SPARC: variants seen among roughly 807,000 people sequenced by gnomAD.
The protein encoded by SPARC is basement-membrane protein 40.
In SPARC, 23 loss-of-function variants were observed where a neutral mutation model predicts 37.7. That is an observed-to-expected ratio of 0.61 (90% CI 0.44 to 0.87). The LOEUF is 0.87. SPARC is among the 40% of genes least tolerant of loss of function. SPARC has a pLI of 0.00. For synonymous variants in SPARC, 155 were observed against 150.8 expected (o/e 1.03, Z -0.20); for missense variants, 312 against 389.0 (o/e 0.80, Z 1.66).
At position 151,661,637 on chromosome 5, in the gene SPARC, C is replaced by A. The variant is rs886358673; in HGVS notation, c.*1934G>T. ...ATACGACACTAACATGATGAACATG[C>A]ATGAGCTTTGAAAAGTGCTCTGTAG... On this transcript the variant is annotated 3_prime_UTR_variant, in exon 10 of 10. Coordinates refer to ENST00000231061, the MANE Select transcript of SPARC (RefSeq NM_003118.4). 4 of 152,146 alleles carry A rather than the reference C, an allele frequency of 2.6e-5. No homozygotes were observed. Among genetic ancestry groups the A allele is most frequent in the African/African-American group, 9.7e-5 (4 of 41,416 alleles). The allele number at this position is 152,146 out of a possible 1,614,324, so 9.4% of individuals were successfully genotyped here.
At chr5:151,669,606 T>G in intron 6 of SPARC, 58 bp downstream of exon 6, 2 of 1,583,960 alleles carry the variant, frequency 1.3e-6, no homozygotes, top group Non-Finnish European at 1.7e-6. Flanking sequence ...ACAGCATCAG[T>G]GCCAGCTCAG....
intron 1 of SPARC, chr5:151,679,197 A>T (rs1410555397): frequency 6.6e-6 from 1 of 152,208 alleles, no homozygotes; most frequent in African/African-American, 2.4e-5. Flanking sequence ...GTCTGTGATG[A>T]TGCATACATT....
chr5:151,672,658 T>C (rs886076277), intron 4 of SPARC: 2 of 170,070 alleles, frequency 1.2e-5, no homozygotes, highest in African/African-American at 4.7e-5. Context: ...TTATGTCAGG[T>C]TGCATTTCCT....
At chr5:151,673,317 G>C in intron 3 of SPARC, 101 bp from the exon 4 acceptor site, 1 of 828,832 alleles carries the variant, frequency 1.2e-6, no homozygotes, top group South Asian at 1.4e-5. Flanking sequence ...CAAACGCAGG[G>C]TTGGGAATCC....
chr5:151,666,270 G>T, intron 8 of SPARC, 91 bp downstream of exon 8: 1 of 1,287,946 alleles, frequency 7.8e-7, no homozygotes, highest in Non-Finnish European at 1.1e-6. Context: ...GCCAGGGCTT[G>T]GAGCAGTATA....
At chr5:151,674,775 A>G (rs780400020) in intron 2 of SPARC, 101 bp from the exon 3 acceptor site, 127 of 1,146,738 alleles carry the variant, frequency 1.1e-4, no homozygotes, top group Admixed American at 1.6e-4. Context: ...GAGCTTGGAG[A>G]GCAGCTTACT....
chr5:151,682,961 G>C (rs894595618), intron 1 of SPARC, among the ~76,000 whole-genome samples: 18 of 152,202 alleles, frequency 1.2e-4, no homozygotes, highest in African/African-American at 4.1e-4. Flanking sequence ...TGATGGGTGA[G>C]AGCAGAGATG....
At chr5:151,673,063 C>A (rs1207152601) in intron 4 of SPARC, 66 bp downstream of exon 4, 1 of 1,119,546 alleles carries the variant, frequency 8.9e-7, no homozygotes, top group East Asian at 2.3e-5. Flanking sequence ...GTAGGCTGTC[C>A]TCGTGCCCCA....
intron 1 of SPARC, chr5:151,679,548 C>T (rs1347564777): frequency 6.6e-6 from 1 of 152,498 alleles, no homozygotes; most frequent in Non-Finnish European, 1.5e-5. Context: ...GCATATTTCC[C>T]TTGGCATGGT....
At chr5:151,679,875 G>T (rs1470359369) in intron 1 of SPARC, 1 of 152,212 alleles carries the variant, frequency 6.6e-6, no homozygotes, top group Non-Finnish European at 1.5e-5. Flanking sequence ...GTGGGTCTCA[G>T]AATGATAGAC....
At chr5:151,675,562 T>C (rs1207604645) in intron 2 of SPARC, among the ~76,000 whole-genome samples, 2 of 152,194 alleles carry the variant, frequency 1.3e-5, no homozygotes, top group East Asian at 1.9e-4. Context: ...AGTTGATTCA[T>C]TCAGACAGCA....
In SPARC at chr5:151,661,582, C is replaced by G. The variant is rs1023; in HGVS notation, c.*1989G>C. The G allele has an allele frequency of 6.6e-6, 1 of 152,166 alleles. No homozygotes were observed. Among genetic ancestry groups the G allele is most frequent in the Non-Finnish European group, 1.5e-5 (1 of 68,038 alleles). The allele number at this position is 152,166 out of a possible 1,614,324, so 9.4% of individuals were successfully genotyped here. ...ATTTCTTGGGTCTGTTTCTCTATCTCTAAGGGGAGTCTCAAAACCCCAGCT... is the reference window on the plus strand; with the variant it reads ...ATTTCTTGGGTCTGTTTCTCTATCTGTAAGGGGAGTCTCAAAACCCCAGCT... On this transcript the variant is annotated 3_prime_UTR_variant, in exon 10 of 10. Transcript: ENST00000231061.
In SPARC at chr5:151,673,325, T is replaced by C. The variant is rs1201893506; in HGVS notation, c.121-109A>G. On this transcript the variant is annotated intron_variant, in intron 3 of 9. Transcript: ENST00000231061. ...GAAAGCACAAACGCAGGGTTGGGAATCCAGATTTAATCTATAGGCCTGCTG... is the reference window on the plus strand; with the variant it reads ...GAAAGCACAAACGCAGGGTTGGGAACCCAGATTTAATCTATAGGCCTGCTG... 3.7e-6 allele frequency: 3 copies of C among 801,000 alleles called. No homozygotes were observed. In the African/African-American group the frequency reaches 5.0e-5, roughly 13 times the overall value. The allele number at this position is 801,000 out of a possible 1,614,324, so 49.6% of individuals were successfully genotyped here.
At chr5:151,681,763 G>T (rs1010285631) in intron 1 of SPARC, among the ~76,000 whole-genome samples, 4 of 152,260 alleles carry the variant, frequency 2.6e-5, no homozygotes, top group African/African-American at 9.6e-5. Flanking sequence ...CATGGTGGCG[G>T]GCGCCTAAAA....
At chr5:151,666,735 A>G (rs1408825935) in intron 7 of SPARC, among the ~76,000 whole-genome samples, 1 of 152,156 alleles carries the variant, frequency 6.6e-6, no homozygotes. Context: ...CATCAAAATC[A>G]CCTGGCGAAG....
chr5:151,672,814 G>T (rs561507389), intron 4 of SPARC: 6 of 359,176 alleles, frequency 1.7e-5, no homozygotes, highest in Non-Finnish European at 3.2e-5. Flanking sequence ...TGTGATCAGC[G>T]ACCTCCGTGG....
chr5:151,681,864 G>T (rs768142649), intron 1 of SPARC, among the ~76,000 whole-genome samples: 3 of 152,278 alleles, frequency 2.0e-5, no homozygotes, highest in East Asian at 1.9e-4. Flanking sequence ...TTGCACTCTC[G>T]CCTGGGCAAC....
At chr5:151,669,118 C>A (rs2113091861) in intron 6 of SPARC, among the ~76,000 whole-genome samples, 1 of 152,294 alleles carries the variant, frequency 6.6e-6, no homozygotes, top group Non-Finnish European at 1.5e-5. Context: ...AACTGACTCC[C>A]AGGTTTCCAG....
intron 5 of SPARC, among the ~76,000 whole-genome samples, chr5:151,671,140 G>A (rs1760741412): frequency 6.6e-6 from 1 of 152,236 alleles, no homozygotes; most frequent in Non-Finnish European, 1.5e-5. Flanking sequence ...AGATCTATGA[G>A]TTAAGGACTA....
Sources: gnomAD v4.1 joint callset for allele counts (sites outside exome capture counted in the v4.1 genomes callset) on GRCh38, gnomAD v4.1.1 for gene constraint, MANE v1.5 for transcripts, NCBI Gene and HGNC (gene_info 2026-07-23, HGNC 2026-07-21) for gene names.